The following CCSER1 variants were observed in gnomAD, a reference collection of about 807,000 sequenced individuals.
CCSER1 encodes the protein serine-rich coiled-coil domain-containing protein 1.
A neutral mutation model predicts 82.0 loss-of-function variants in CCSER1; 41 were observed. That is an observed-to-expected ratio of 0.50 (90% CI 0.39 to 0.65). CCSER1 has a LOEUF of 0.65. CCSER1 is among the 30% of genes least tolerant of loss of function. The pLI is 0.00. For synonymous variants in CCSER1, 414 were observed against 383.9 expected (o/e 1.08, Z -0.92); for missense variants, 1,119 against 1,064.2 (o/e 1.05, Z -0.72).
At chr4:91,490,996 GA>G (rs1337375562) in intron 10 of CCSER1, among the ~76,000 whole-genome samples, 1 of 139,572 alleles carries the variant, frequency 7.2e-6, no homozygotes, top group African/African-American at 2.7e-5. Flanking sequence ...GGCCAATAGT[GA>G]TTATCATTTA....
In CCSER1 at chr4:91,256,636, C is replaced by A. The variant is rs148465417; in HGVS notation, c.2217+170642C>A. On this transcript the variant is annotated intron_variant, in intron 10 of 10. Transcript: ENST00000509176. ...CGACACTTAGGGAAATAGAAAAGAACCTGTGCTGAAATATTAGGGGCTGGT... is the reference window on the plus strand; with the variant it reads ...CGACACTTAGGGAAATAGAAAAGAAACTGTGCTGAAATATTAGGGGCTGGT... Among the ~76,000 whole-genome samples, 3 of 152,146 alleles carry A rather than the reference C, an allele frequency of 2.0e-5. No homozygotes were observed. In the East Asian group the frequency reaches 5.8e-4, roughly 29 times the overall value.
intron 10 of CCSER1, among the ~76,000 whole-genome samples, chr4:91,199,508 T>G (rs1735727139): frequency 6.6e-6 from 1 of 152,106 alleles, no homozygotes; most frequent in South Asian, 2.1e-4. Flanking sequence ...ACTGTAGGAT[T>G]ATATGATTGA....
intron 10 of CCSER1, among the ~76,000 whole-genome samples, chr4:91,571,473 G>A (rs2110285433): frequency 6.6e-6 from 1 of 152,282 alleles, no homozygotes; most frequent in East Asian, 1.9e-4. Context: ...CATGGCTGGG[G>A]AGGCCTTGGG....
Position 90,143,521 on chromosome 4 carries a change from C to CAT in CCSER1, c.-42+15691_-42+15692insTA, listed in dbSNP as rs1553937964. Among the ~76,000 whole-genome samples the CAT allele has an allele frequency of 1.6e-3, 240 of 151,764 alleles. 1 individual carries two copies. Among genetic ancestry groups the CAT allele is most frequent in the African/African-American group, 5.4e-3 (222 of 41,372 alleles). On this transcript the variant is annotated intron_variant, in intron 1 of 10. Coordinates refer to ENST00000509176, the MANE Select transcript of CCSER1 (RefSeq NM_001145065.2). ...ACACACACACACACACACACACACA[C>CAT]ACACACCAGGTATTAATATACCATT...
chr4:90,605,289 T>C lies in CCSER1; in HGVS notation c.1725-22736T>C, dbSNP rs952273738. 4.6e-5 allele frequency among the ~76,000 whole-genome samples: 7 copies of C among 152,256 alleles called. No individual in the cohort carries two copies. In the South Asian group the frequency reaches 8.3e-4, roughly 18 times the overall value. The stretch of plus-strand genomic sequence containing the variant: ...GTCAGCCAGACCAAGAAACCACCAA[T>C]TGTGGACACATCGGGATTGGCACAT... On this transcript the variant is annotated intron_variant, in intron 5 of 10. Coordinates refer to ENST00000509176, the MANE Select transcript of CCSER1 (RefSeq NM_001145065.2).
intron 10 of CCSER1, among the ~76,000 whole-genome samples, chr4:91,187,108 C>A (rs1259242017): frequency 6.6e-6 from 1 of 152,190 alleles, no homozygotes; most frequent in Non-Finnish European, 1.5e-5. Context: ...TTGTGCTTCC[C>A]AGGTGAGGTG....
At chr4:90,347,189 G>C (rs1205058748) in intron 3 of CCSER1, among the ~76,000 whole-genome samples, 1 of 152,070 alleles carries the variant, frequency 6.6e-6, no homozygotes, top group Non-Finnish European at 1.5e-5. Flanking sequence ...TAAATAATAG[G>C]ACAGATTTGC....
At chr4:91,320,362 C>T (rs986659425) in intron 10 of CCSER1, among the ~76,000 whole-genome samples, 5 of 151,932 alleles carry the variant, frequency 3.3e-5, no homozygotes, top group Admixed American at 1.3e-4. Flanking sequence ...AGATAAAAGG[C>T]GACTACTGTA....
chr4:91,228,497 T>G (rs1738382290), intron 10 of CCSER1, among the ~76,000 whole-genome samples: 2 of 151,916 alleles, frequency 1.3e-5, no homozygotes, highest in African/African-American at 2.4e-5. Flanking sequence ...ACAAAAAAAT[T>G]TTAAAGAAAT....
intron 10 of CCSER1, among the ~76,000 whole-genome samples, chr4:91,115,806 CT>C (rs527629667): frequency 0.03 from 3,074 of 101,490 alleles, 71 homozygotes; most frequent in African/African-American, 0.091. Flanking sequence ...CTAGCTTTTT[CT>C]TTTTTTTTTT....
intron 1 of CCSER1, among the ~76,000 whole-genome samples, chr4:90,166,172 G>A (rs146631228): frequency 1.2e-4 from 19 of 152,038 alleles, no homozygotes; most frequent in Admixed American, 9.2e-4. Flanking sequence ...CTATTCAAAC[G>A]TTACTATAAA....
intron 9 of CCSER1, among the ~76,000 whole-genome samples, chr4:91,031,158 A>G (rs1740947996): frequency 6.6e-6 from 1 of 152,180 alleles, no homozygotes; most frequent in Non-Finnish European, 1.5e-5. Context: ...TATACAAAAT[A>G]AGTCGGACTA....
intron 10 of CCSER1, among the ~76,000 whole-genome samples, chr4:91,433,359 G>A (rs1246557464): frequency 6.6e-6 from 1 of 152,068 alleles, no homozygotes; most frequent in Non-Finnish European, 1.5e-5. Flanking sequence ...ATAAAGTGTA[G>A]CCTAAGCGTA....
At chr4:90,877,943 C>T (rs951309813) in intron 8 of CCSER1, among the ~76,000 whole-genome samples, 2 of 152,094 alleles carry the variant, frequency 1.3e-5, no homozygotes, top group African/African-American at 2.4e-5. Flanking sequence ...ATTATACATT[C>T]TAATGGGAGG....
intron 9 of CCSER1, among the ~76,000 whole-genome samples, chr4:90,965,215 G>C (rs1734446074): frequency 6.6e-6 from 1 of 152,058 alleles, no homozygotes; most frequent in Non-Finnish European, 1.5e-5. Context: ...TACAAGTTGG[G>C]GAAAATGAGT....
chr4:90,616,734 CACACAAATAAAAT>C (rs1198151962), intron 5 of CCSER1, among the ~76,000 whole-genome samples: 49 of 64,202 alleles, frequency 7.6e-4, no homozygotes, highest in African/African-American at 3.8e-3. Flanking sequence ...CACACACACA[CACACAAATAAAAT>C]AAAATAAAAG....
intron 9 of CCSER1, among the ~76,000 whole-genome samples, chr4:91,070,047 C>A (rs1167588506): frequency 6.6e-6 from 1 of 151,194 alleles, no homozygotes; most frequent in East Asian, 1.9e-4. Context: ...TGCAGTGGTG[C>A]CATCTCAGCT....
chr4:90,352,916 G>A (rs879330184), intron 3 of CCSER1, among the ~76,000 whole-genome samples: 1 of 152,108 alleles, frequency 6.6e-6, no homozygotes, highest in Non-Finnish European at 1.5e-5. Flanking sequence ...CATTTTTGAT[G>A]TTTAACTGAT....
At chr4:90,941,572 A>C (rs543637968) in intron 9 of CCSER1, among the ~76,000 whole-genome samples, 3 of 152,272 alleles carry the variant, frequency 2.0e-5, no homozygotes, top group African/African-American at 4.8e-5. Context: ...GAAATGTCCA[A>C]ATTAACAAGG....
Sources: gnomAD v4.1 joint callset for allele counts (sites outside exome capture counted in the v4.1 genomes callset) on GRCh38, gnomAD v4.1.1 for gene constraint, MANE v1.5 for transcripts, NCBI Gene and HGNC (gene_info 2026-07-23, HGNC 2026-07-21) for gene names.